Variants in PCBP3 observed in about 807,000 individuals in gnomAD.
PCBP3 encodes the protein poly(rC) binding protein 3, also known as poly(rC)-binding protein 3.
Under a neutral mutation model 52.7 loss-of-function variants are expected in PCBP3, and 25 were observed. The observed-to-expected ratio is 0.47, with a 90% CI of 0.35 to 0.66. The LOEUF (loss-of-function observed/expected upper bound fraction) is 0.66. Ranked by LOEUF, PCBP3 falls within the 30% of genes least tolerant of loss-of-function variation. The pLI, the probability that PCBP3 is intolerant of heterozygous loss-of-function variation, is 0.01. For synonymous variants in PCBP3, 162 were observed against 183.0 expected, an observed-to-expected ratio of 0.89 and a Z score of 0.93; for missense variants, 391 against 490.3, an observed-to-expected ratio of 0.80 and a Z score of 1.91.
At chr21:45,927,773 C>T (rs905166907) in intron 13 of PCBP3, among the ~76,000 whole-genome samples, 5 of 152,164 alleles carry the variant, frequency 3.3e-5, no homozygotes, top group African/African-American at 1.2e-4. Flanking sequence ...CATCCATTCC[C>T]CCACTTTATA....
At chr21:45,721,227 A>T (rs562193965) in intron 2 of PCBP3, among the ~76,000 whole-genome samples, 7 of 152,186 alleles carry the variant, frequency 4.6e-5, no homozygotes, top group African/African-American at 9.7e-5. Flanking sequence ...AGCCTGGCCA[A>T]TGTGGCGAAA....
intron 2 of PCBP3, among the ~76,000 whole-genome samples, chr21:45,689,475 T>A (rs1304650997): frequency 6.6e-6 from 1 of 152,096 alleles, no homozygotes; most frequent in East Asian, 1.9e-4. Flanking sequence ...ACAATTAACA[T>A]TATACTTCAT....
intron 13 of PCBP3, among the ~76,000 whole-genome samples, chr21:45,922,473 T>G (rs766245389): frequency 6.6e-6 from 1 of 152,162 alleles, no homozygotes; most frequent in Non-Finnish European, 1.5e-5. Flanking sequence ...GGCAGTTACC[T>G]GAGCTCCGGC....
chr21:45,832,692 G>A (rs2093481749), intron 4 of PCBP3: 1 of 152,234 alleles, frequency 6.6e-6, no homozygotes, highest in Non-Finnish European at 1.5e-5. Context: ...TTTGGCAGAT[G>A]GAGCTTAACA....
chr21:45,824,024 G>A (rs753004864), intron 4 of PCBP3, among the ~76,000 whole-genome samples: 47 of 152,356 alleles, frequency 3.1e-4, no homozygotes, highest in Non-Finnish European at 5.7e-4. Context: ...TTACAGGCAT[G>A]AGCCACTAGG....
At chr21:45,859,990 C>T (rs2094450731) in intron 5 of PCBP3, among the ~76,000 whole-genome samples, 2 of 152,218 alleles carry the variant, frequency 1.3e-5, no homozygotes, top group South Asian at 2.1e-4. Flanking sequence ...CAGGGATGGC[C>T]GGTGCCCCCA....
intron 1 of PCBP3, among the ~76,000 whole-genome samples, chr21:45,653,827 T>A (rs2079842085): frequency 6.6e-6 from 1 of 152,186 alleles, no homozygotes; most frequent in African/African-American, 2.4e-5. Context: ...ATTATTTTAA[T>A]CTGATAATGT....
chr21:45,930,920 G>A, intron 15 of PCBP3, 75 bp downstream of exon 15: 12 of 1,587,568 alleles, frequency 7.6e-6, no homozygotes, highest in Non-Finnish European at 5.1e-6. Context: ...AGGTGTGGGG[G>A]CCCTGCCGCT....
At chr21:45,798,717 T>C (rs2092141620) in intron 4 of PCBP3, among the ~76,000 whole-genome samples, 1 of 150,882 alleles carries the variant, frequency 6.6e-6, no homozygotes, top group South Asian at 2.1e-4. Context: ...AGTGAATGGA[T>C]GTGTACATGG....
chr21:45,930,998 G>A (rs530381411), intron 15 of PCBP3, among the ~76,000 whole-genome samples, 153 bp downstream of exon 15: 6 of 152,328 alleles, frequency 3.9e-5, no homozygotes, highest in Non-Finnish European at 7.3e-5. Flanking sequence ...CGTGGGTGGT[G>A]CCATGCTGCC....
At chr21:45,819,641 A>G (rs1484705408) in intron 4 of PCBP3, among the ~76,000 whole-genome samples, 1 of 151,944 alleles carries the variant, frequency 6.6e-6, no homozygotes, top group Non-Finnish European at 1.5e-5. Flanking sequence ...TGTAGATTCT[A>G]CAGTCTTCCC....
chr21:45,834,816 G>A (rs927844682), intron 4 of PCBP3, among the ~76,000 whole-genome samples: 2 of 152,250 alleles, frequency 1.3e-5, no homozygotes, highest in Non-Finnish European at 2.9e-5. Flanking sequence ...GGTGAGTTCC[G>A]AGTTCACCTG....
At chr21:45,810,328 C>A (rs992240070) in intron 4 of PCBP3, among the ~76,000 whole-genome samples, 5 of 151,612 alleles carry the variant, frequency 3.3e-5, no homozygotes, top group Admixed American at 6.6e-5. Flanking sequence ...CAGTCTCAGT[C>A]TCCTGTGCTC....
chr21:45,703,678 G>A (rs181838106), intron 2 of PCBP3, among the ~76,000 whole-genome samples: 9 of 152,222 alleles, frequency 5.9e-5, no homozygotes, highest in Admixed American at 1.3e-4. Context: ...CTGCTGTTTC[G>A]GGGGGCATGA....
intron 4 of PCBP3, among the ~76,000 whole-genome samples, chr21:45,833,167 G>A (rs1421839435): frequency 6.6e-6 from 1 of 152,218 alleles, no homozygotes; most frequent in Non-Finnish European, 1.5e-5. Flanking sequence ...CACGGCCTCA[G>A]GCCATGGGCA....
chr21:45,655,033 A>C (rs1321695048), intron 1 of PCBP3, among the ~76,000 whole-genome samples: 2 of 152,124 alleles, frequency 1.3e-5, no homozygotes, highest in African/African-American at 4.8e-5. Flanking sequence ...TCCATGTTGT[A>C]GTATGTATCA....
chr21:45,698,325 G>T (rs185745826), intron 2 of PCBP3, among the ~76,000 whole-genome samples: 1 of 152,216 alleles, frequency 6.6e-6, no homozygotes, highest in African/African-American at 2.4e-5. Flanking sequence ...TGGCATTGAA[G>T]ACATTTGTGT....
chr21:45,900,347 T>C (rs1011902113), intron 7 of PCBP3, among the ~76,000 whole-genome samples: 7 of 152,226 alleles, frequency 4.6e-5, no homozygotes, highest in Non-Finnish European at 1.0e-4. Flanking sequence ...CCTTGCCAGC[T>C]GTGTGCCTGT....
intron 5 of PCBP3, among the ~76,000 whole-genome samples, chr21:45,869,000 T>G (rs1350742964): frequency 6.6e-6 from 1 of 152,254 alleles, no homozygotes; most frequent in Admixed American, 6.5e-5. Flanking sequence ...AGCTGGAGGT[T>G]TATTTTATGG....
Sources: allele counts gnomAD v4.1 joint callset (sites outside exome capture counted in the v4.1 genomes callset), GRCh38; gene constraint gnomAD v4.1.1; transcripts MANE v1.5; gene names NCBI Gene and HGNC (gene_info 2026-07-23, HGNC 2026-07-21).